NAA15: variants seen among roughly 807,000 people sequenced by gnomAD.
NAA15 encodes N-alpha-acetyltransferase 15, NatA auxiliary subunit, also known as N-terminal acetyltransferase.
A neutral mutation model predicts 114.0 loss-of-function variants in NAA15; 34 were observed. The observed-to-expected ratio is 0.30, with a 90% CI of 0.23 to 0.40. The LOEUF is 0.40. NAA15 is among the 10% of genes least tolerant of loss of function. The probability of loss-of-function intolerance (pLI) is 1.00; values close to 1 mark genes in which losing one functional copy is unlikely to be tolerated. For synonymous variants in NAA15, 340 were observed against 338.0 expected, an observed-to-expected ratio of 1.01 and a Z score of -0.06; for missense variants, 658 against 1,004.5, an observed-to-expected ratio of 0.66 and a Z score of 4.66.
intron 17 of NAA15, among the ~76,000 whole-genome samples, chr4:139,382,375 T>G (rs1748778033): frequency 6.6e-6 from 1 of 152,108 alleles, no homozygotes; most frequent in African/African-American, 2.4e-5. Context: ...GAGTTTTTTT[T>G]AGCAGTTTTA....
intron 1 of NAA15, among the ~76,000 whole-genome samples, chr4:139,314,260 G>A (rs1039454018): frequency 2.0e-5 from 3 of 151,866 alleles, no homozygotes; most frequent in African/African-American, 7.3e-5. Context: ...AACATACAAG[G>A]GGATCTGAGG....
At chr4:139,359,200 C>G (rs1050583713) in intron 11 of NAA15, among the ~76,000 whole-genome samples, 1 of 152,092 alleles carries the variant, frequency 6.6e-6, no homozygotes, top group African/African-American at 2.4e-5. Context: ...ATGATCTCAG[C>G]TCACTGCAAC....
intron 1 of NAA15, among the ~76,000 whole-genome samples, chr4:139,325,404 G>A (rs1014835296): frequency 3.9e-5 from 6 of 152,128 alleles, no homozygotes; most frequent in Middle Eastern, 3.2e-3. Context: ...CACTAGTTAG[G>A]TATGTAATCT....
At chr4:139,373,733 T>C (rs950794465) in intron 15 of NAA15, among the ~76,000 whole-genome samples, 3 of 151,914 alleles carry the variant, frequency 2.0e-5, no homozygotes, top group African/African-American at 7.3e-5. Context: ...AATCTCACTC[T>C]GTCACCCAGG....
chr4:139,341,608 A>G (rs1469701622), intron 4 of NAA15, among the ~76,000 whole-genome samples: 1 of 150,672 alleles, frequency 6.6e-6, no homozygotes. Context: ...AAAAAAAAAA[A>G]AAAAAAAAAA....
At chr4:139,352,569 A>G (rs576815014) in intron 9 of NAA15, among the ~76,000 whole-genome samples, 24 of 147,256 alleles carry the variant, frequency 1.6e-4, no homozygotes, top group Non-Finnish European at 2.8e-4. Flanking sequence ...ATGTGCATTT[A>G]TTTGCCGGTC....
At chr4:139,365,969 C>A (rs1157964249) in intron 14 of NAA15, among the ~76,000 whole-genome samples, 1 of 151,740 alleles carries the variant, frequency 6.6e-6, no homozygotes, top group African/African-American at 2.4e-5. Context: ...ATGTTGCCAT[C>A]CATTTATAGT....
intron 7 of NAA15, among the ~76,000 whole-genome samples, chr4:139,349,879 C>A (rs1042058477): frequency 6.6e-6 from 1 of 151,622 alleles, no homozygotes; most frequent in East Asian, 1.9e-4. Context: ...TCAGCTACTC[C>A]GGAGGCTGAG....
At chr4:139,348,053 A>AAG (rs1248051078) in intron 6 of NAA15, among the ~76,000 whole-genome samples, 1 of 152,036 alleles carries the variant, frequency 6.6e-6, no homozygotes, top group African/African-American at 2.4e-5. Flanking sequence ...AAAAAAAAAA[A>AAG]AAAGAAAGTT....
intron 1 of NAA15, among the ~76,000 whole-genome samples, chr4:139,306,395 A>ATT (rs34609180): frequency 0.041 from 6,006 of 147,666 alleles, 175 homozygotes; most frequent in Non-Finnish European, 0.067. Context: ...CACTCGGCTA[A>ATT]TTTTTTTTTT....
chr4:139,365,157 C>A (rs932604245), intron 14 of NAA15, among the ~76,000 whole-genome samples: 3 of 152,190 alleles, frequency 2.0e-5, no homozygotes, highest in African/African-American at 7.2e-5. Context: ...CCTGCCTCAG[C>A]CTCCCAAGTA....
At chr4:139,341,593 C>CAAAAAAAAAAAAAA (rs751688160) in intron 4 of NAA15, among the ~76,000 whole-genome samples, 1 of 14,426 alleles carries the variant, frequency 6.9e-5, no homozygotes, top group Non-Finnish European at 1.3e-4. Context: ...AACTCTGTCT[C>CAAAAAAAAAAAAAA]AAAAAAAAAA....
At chr4:139,316,853 C>T (rs1430038922) in intron 1 of NAA15, among the ~76,000 whole-genome samples, 3 of 151,460 alleles carry the variant, frequency 2.0e-5, no homozygotes, top group Non-Finnish European at 2.9e-5. Flanking sequence ...CCCCACCCCC[C>T]GCCATAGTTC....
intron 19 of NAA15, among the ~76,000 whole-genome samples, chr4:139,387,146 G>A (rs1036895230): frequency 2.6e-5 from 4 of 152,144 alleles, no homozygotes; most frequent in Non-Finnish European, 5.9e-5. Context: ...TTGTAACCTG[G>A]ATTTAAGTTG....
At chr4:139,310,953 G>T (rs961750269) in intron 1 of NAA15, among the ~76,000 whole-genome samples, 1 of 151,664 alleles carries the variant, frequency 6.6e-6, no homozygotes. Flanking sequence ...GTCTTACTCT[G>T]TTGCCCAGGC....
chr4:139,315,559 G>A (rs1746384318), intron 1 of NAA15, among the ~76,000 whole-genome samples: 1 of 151,750 alleles, frequency 6.6e-6, no homozygotes, highest in African/African-American at 2.4e-5. Context: ...CGGCAAATCT[G>A]AGTAAAAGAG....
rs1164115947 is a variant in NAA15 at position 139,332,572 on chromosome 4, G to GTT, written c.55-1575_55-1574dup. ...ACAGTCTTGGTATTTTGGTTTGTAT[G>GTT]TTTTTTTTTTTTTTTTTTTTTTTTT... On this transcript the variant is annotated intron_variant, in intron 1 of 19. Transcript: ENST00000296543. Among the ~76,000 whole-genome samples the GTT allele has an allele frequency of 3.1e-3, 191 of 62,014 alleles. 55 individuals are homozygous for GTT. Among genetic ancestry groups the GTT allele is most frequent in the South Asian group, 5.2e-3 (7 of 1,352 alleles). 40.7% of individuals were successfully genotyped at this position (62,014 alleles called of 152,430 possible). A position where few individuals can be genotyped will look rare whatever the true frequency, so the allele number is the denominator to read the frequency against.
chr4:139,328,230 G>A lies in NAA15; in HGVS notation c.55-5944G>A, dbSNP rs577593888. Reference sequence around the variant, plus strand: ...TTTTATTTTATTAGTTTTTTCAGATGGAGTCTCGCTCTGTTGCCCATGCTG... The same window carrying A: ...TTTTATTTTATTAGTTTTTTCAGATAGAGTCTCGCTCTGTTGCCCATGCTG... On this transcript the variant is annotated intron_variant, in intron 1 of 19. Transcript: ENST00000296543. Among the ~76,000 whole-genome samples, 10 of 151,304 alleles carry A rather than the reference G, an allele frequency of 6.6e-5. No homozygotes were observed. The East Asian group carries it at 9.8e-4, about 15-fold the overall frequency.
chr4:139,371,501 A>G (rs867851320), intron 15 of NAA15, among the ~76,000 whole-genome samples: 1,227 of 105,862 alleles, frequency 0.012, 25 homozygotes, highest in African/African-American at 0.074. Flanking sequence ...AAAGTAGCAC[A>G]CACACACACA....
Sources: gnomAD v4.1 joint callset for allele counts (sites outside exome capture counted in the v4.1 genomes callset) on GRCh38, gnomAD v4.1.1 for gene constraint, MANE v1.5 for transcripts, NCBI Gene and HGNC (gene_info 2026-07-23, HGNC 2026-07-21) for gene names.